The following GRM5 variants were observed in gnomAD, a reference collection of about 807,000 sequenced individuals.
The protein encoded by GRM5 is glutamate metabotropic receptor 5, also known as metabotropic glutamate receptor 5.
A neutral mutation model predicts 83.1 loss-of-function variants in GRM5; 19 were observed. The observed-to-expected ratio is 0.23, with a 90% CI of 0.16 to 0.34. GRM5 has a LOEUF of 0.34. Ranked by LOEUF, GRM5 falls within the 10% of genes least tolerant of loss-of-function variation. GRM5 has a pLI of 1.00. For missense variants in GRM5, 1,160 were observed against 1,588.3 expected (o/e 0.73, Z 4.58); for synonymous variants, 675 against 633.6 (o/e 1.07, Z -0.98).
intron 2 of GRM5, among the ~76,000 whole-genome samples, chr11:88,961,867 T>C (rs1420198097): frequency 2.0e-5 from 3 of 152,310 alleles, no homozygotes; most frequent in East Asian, 3.9e-4. Context: ...CGGTGATCAG[T>C]GAAATGCTGT....
At chr11:88,699,719 A>G (rs1437989652) in intron 3 of GRM5, among the ~76,000 whole-genome samples, 1 of 143,210 alleles carries the variant, frequency 7.0e-6, no homozygotes, top group East Asian at 2.1e-4. Flanking sequence ...AGCATGAGCA[A>G]GACTAGTAGA....
chr11:88,737,761 A>T (rs1287727539), intron 3 of GRM5, among the ~76,000 whole-genome samples: 3 of 152,058 alleles, frequency 2.0e-5, no homozygotes, highest in African/African-American at 7.2e-5. Context: ...TATCACATCT[A>T]ATCTTCTTTC....
intron 4 of GRM5, among the ~76,000 whole-genome samples, chr11:88,637,998 C>A (rs1194162197): frequency 2.6e-5 from 4 of 151,842 alleles, no homozygotes; most frequent in African/African-American, 4.8e-5. Flanking sequence ...AGTTCATGTC[C>A]TTTTTAGGGA....
chr11:88,642,844 G>A (rs940606971), intron 4 of GRM5, among the ~76,000 whole-genome samples: 13 of 152,058 alleles, frequency 8.5e-5, no homozygotes, highest in Admixed American at 6.6e-4. Context: ...TTCACTGTCC[G>A]TATCACTATC....
chr11:88,804,042 G>C (rs957277683), intron 3 of GRM5, among the ~76,000 whole-genome samples: 8 of 151,984 alleles, frequency 5.3e-5, no homozygotes, highest in Admixed American at 2.0e-4. Flanking sequence ...AACAACAGGT[G>C]CTGGAGAGGA....
chr11:88,578,713 T>A (rs1197623409), intron 7 of GRM5, among the ~76,000 whole-genome samples: 1 of 152,164 alleles, frequency 6.6e-6, no homozygotes, highest in Non-Finnish European at 1.5e-5. Flanking sequence ...TAAAAGTTAA[T>A]GAACGTTGAG....
intron 3 of GRM5, among the ~76,000 whole-genome samples, chr11:88,708,326 C>G (rs148077100): frequency 9.8e-4 from 149 of 152,140 alleles, no homozygotes; most frequent in Admixed American, 2.6e-3. Flanking sequence ...CTGAATGAAA[C>G]AGGGAATAAT....
At chr11:88,894,695 A>G (rs1014353090) in intron 2 of GRM5, among the ~76,000 whole-genome samples, 1 of 151,886 alleles carries the variant, frequency 6.6e-6, no homozygotes, top group African/African-American at 2.4e-5. Flanking sequence ...TCAAAAAATC[A>G]TATGTTAAAA....
intron 2 of GRM5, among the ~76,000 whole-genome samples, chr11:89,035,514 G>A (rs908449751): frequency 6.6e-6 from 1 of 151,794 alleles, no homozygotes; most frequent in Non-Finnish European, 1.5e-5. Flanking sequence ...AGTTTCTGAA[G>A]AAATCATTAA....
intron 3 of GRM5, among the ~76,000 whole-genome samples, chr11:88,785,139 G>A (rs1943044131): frequency 6.6e-6 from 1 of 152,096 alleles, no homozygotes; most frequent in African/African-American, 2.4e-5. Flanking sequence ...TGGAGGTGGA[G>A]TGTATGGGAT....
chr11:88,601,669 ATT>A, intron 5 of GRM5, among the ~76,000 whole-genome samples: 1 of 152,140 alleles, frequency 6.6e-6, no homozygotes, highest in Non-Finnish European at 1.5e-5. Context: ...TTTTGCTTTA[ATT>A]AGTTAGTTGT....
intron 3 of GRM5, among the ~76,000 whole-genome samples, chr11:88,743,375 A>G (rs1360894434): frequency 6.6e-6 from 1 of 152,164 alleles, no homozygotes; most frequent in African/African-American, 2.4e-5. Context: ...GAAAGTGGTG[A>G]GCAGATGATA....
chr11:88,696,849 G>A (rs1259012255), intron 3 of GRM5, among the ~76,000 whole-genome samples: 1 of 152,122 alleles, frequency 6.6e-6, no homozygotes, highest in Non-Finnish European at 1.5e-5. Context: ...AGAAATCTTT[G>A]ATAACTTATC....
chr11:88,929,308 A>T (rs1441300888), intron 2 of GRM5, among the ~76,000 whole-genome samples: 1 of 152,136 alleles, frequency 6.6e-6, no homozygotes, highest in Non-Finnish European at 1.5e-5. Context: ...CCAATAATAA[A>T]AATATGCTTT....
At chr11:89,012,203 A>G (rs201922882) in intron 2 of GRM5, among the ~76,000 whole-genome samples, 1 of 152,248 alleles carries the variant, frequency 6.6e-6, no homozygotes, top group Non-Finnish European at 1.5e-5. Context: ...GAAGATAAAA[A>G]TAAACAGCAA....
intron 2 of GRM5, among the ~76,000 whole-genome samples, chr11:88,897,506 G>C (rs149951456): frequency 0.012 from 1,839 of 152,010 alleles, 43 homozygotes; most frequent in African/African-American, 0.043. Context: ...TTGCAATACT[G>C]TTGCTGGGTG....
chr11:88,765,284 T>G, intron 3 of GRM5, among the ~76,000 whole-genome samples: 1 of 151,280 alleles, frequency 6.6e-6, no homozygotes, highest in East Asian at 1.9e-4. Flanking sequence ...GTCTGATAGC[T>G]TCATGAGTGA....
chr11:88,519,783 C>A (rs2135095839), intron 9 of GRM5, among the ~76,000 whole-genome samples: 1 of 152,190 alleles, frequency 6.6e-6, no homozygotes, highest in Admixed American at 6.5e-5. Context: ...TAAAAAACAA[C>A]CTTTCTAAAC....
intron 3 of GRM5, among the ~76,000 whole-genome samples, chr11:88,661,742 T>C (rs1939911587): frequency 6.6e-6 from 1 of 152,208 alleles, no homozygotes; most frequent in African/African-American, 2.4e-5. Context: ...TATTTATTTT[T>C]TAGATACAGT....
Sources: gnomAD v4.1 joint callset for allele counts (sites outside exome capture counted in the v4.1 genomes callset) on GRCh38, gnomAD v4.1.1 for gene constraint, MANE v1.5 for transcripts, NCBI Gene and HGNC (gene_info 2026-07-23, HGNC 2026-07-21) for gene names.